The following DNM3 variants were observed in gnomAD, a reference collection of about 807,000 sequenced individuals.
DNM3 encodes dynamin-3.
A neutral mutation model predicts 101.6 loss-of-function variants in DNM3; 47 were observed. That is an observed-to-expected ratio of 0.46 (90% CI 0.37 to 0.59). The LOEUF (loss-of-function observed/expected upper bound fraction) is 0.59, where lower values mean the gene tolerates loss of function less well. Ranked by LOEUF, DNM3 falls within the 20% of genes least tolerant of loss-of-function variation. The probability of loss-of-function intolerance (pLI) is 0.00; values close to 1 mark genes in which losing one functional copy is unlikely to be tolerated. For synonymous variants in DNM3, 385 were observed against 387.9 expected, an observed-to-expected ratio of 0.99 and a Z score of 0.09; for missense variants, 849 against 1,085.7, an observed-to-expected ratio of 0.78 and a Z score of 3.06.
rs1201060636 is a variant in DNM3 at position 172,127,388 on chromosome 1, A to C, written c.1546-3787A>C. ...ATCGCCAATCTCTTACTCTCTACTT[A>C]TTATTATTATTATTATTATTATTAT... On this transcript the variant is annotated intron_variant, in intron 13 of 20. Transcript: ENST00000627582. Among the ~76,000 whole-genome samples, 9 of 76,080 alleles carry C rather than the reference A, an allele frequency of 1.2e-4. No homozygotes were observed. In the South Asian group the frequency reaches 2.3e-3, roughly 20 times the overall value. 49.9% of individuals were successfully genotyped at this position (76,080 alleles called of 152,430 possible). A position where few individuals can be genotyped will look rare whatever the true frequency, so the allele number is the denominator to read the frequency against.
chr1:171,849,680 A>G (rs2032682305), intron 1 of DNM3, among the ~76,000 whole-genome samples: 1 of 152,168 alleles, frequency 6.6e-6, no homozygotes. Flanking sequence ...AAACCAATAT[A>G]TACAAAGTGA....
intron 16 of DNM3, chr1:172,311,065 G>A (rs773051624): frequency 3.9e-5 from 6 of 152,136 alleles, no homozygotes; most frequent in Non-Finnish European, 8.8e-5. Context: ...TTATAGGGCG[G>A]TTGATAGGAT....
intron 1 of DNM3, among the ~76,000 whole-genome samples, chr1:171,900,536 T>C (rs942313410): frequency 6.6e-6 from 1 of 152,020 alleles, no homozygotes; most frequent in South Asian, 2.1e-4. Context: ...TTTCACCACT[T>C]TTAGGAATGA....
At chr1:172,007,056 A>T (rs1047080385) in intron 4 of DNM3, among the ~76,000 whole-genome samples, 1 of 152,094 alleles carries the variant, frequency 6.6e-6, no homozygotes, top group East Asian at 1.9e-4. Context: ...TCTTCCATTT[A>T]TCTGTTAGTG....
chr1:171,872,688 A>G (rs1386884251), intron 1 of DNM3, among the ~76,000 whole-genome samples: 1 of 152,120 alleles, frequency 6.6e-6, no homozygotes, highest in Non-Finnish European at 1.5e-5. Context: ...CTTTTCTCCT[A>G]GTCCCTATCT....
intron 15 of DNM3, among the ~76,000 whole-genome samples, chr1:172,257,197 A>G (rs1315051492): frequency 1.3e-5 from 2 of 152,122 alleles, no homozygotes; most frequent in Non-Finnish European, 2.9e-5. Flanking sequence ...GCAAGTATAT[A>G]TTAGGCAGCT....
At chr1:171,864,094 G>C (rs1394345820) in intron 1 of DNM3, 1 of 152,146 alleles carries the variant, frequency 6.6e-6, no homozygotes, top group Non-Finnish European at 1.5e-5. Context: ...GGTTTTAAAT[G>C]TCTAATATAC....
At chr1:172,107,111 C>T (rs1430533389) in intron 13 of DNM3, among the ~76,000 whole-genome samples, 1 of 151,516 alleles carries the variant, frequency 6.6e-6, no homozygotes, top group East Asian at 1.9e-4. Context: ...CCACCCGCCT[C>T]GGCCTCCCAA....
chr1:171,986,038 C>T (rs1414914427), intron 2 of DNM3, among the ~76,000 whole-genome samples: 1 of 152,126 alleles, frequency 6.6e-6, no homozygotes, highest in Admixed American at 6.5e-5. Flanking sequence ...AGAGCTTTTT[C>T]CAATGAGATC....
At position 171,841,520 on chromosome 1, in the gene DNM3, G is replaced by A. The variant is rs1214987956; in HGVS notation, c.-137G>A. ...GTCAGAGCCAAGCGGCGGGCTGGCGGCGGGCTCCGACGTCTGCGCCAGGAC... is the reference window on the plus strand; with the variant it reads ...GTCAGAGCCAAGCGGCGGGCTGGCGACGGGCTCCGACGTCTGCGCCAGGAC... On this transcript the variant is annotated 5_prime_UTR_variant, in exon 1 of 21. Transcript: ENST00000627582. 4.0e-6 allele frequency: 5 copies of A among 1,238,210 alleles called. No individual in the cohort carries two copies. Among genetic ancestry groups the A allele is most frequent in the Middle Eastern group, 2.8e-4 (1 of 3,584 alleles). The allele number at this position is 1,238,210 out of a possible 1,614,324, so 76.7% of individuals were successfully genotyped here.
At chr1:171,963,404 G>C (rs967230186) in intron 2 of DNM3, among the ~76,000 whole-genome samples, 1 of 152,090 alleles carries the variant, frequency 6.6e-6, no homozygotes, top group Admixed American at 6.6e-5. Context: ...GGATCTCAGA[G>C]GATTTTTAGG....
chr1:172,069,196 C>T (rs969360411), intron 11 of DNM3, among the ~76,000 whole-genome samples: 2 of 152,118 alleles, frequency 1.3e-5, no homozygotes, highest in African/African-American at 4.8e-5. Context: ...ATGGATCATG[C>T]ATACATCCTA....
At chr1:172,003,551 C>A (rs998087493) in intron 4 of DNM3, among the ~76,000 whole-genome samples, 1 of 151,804 alleles carries the variant, frequency 6.6e-6, no homozygotes, top group African/African-American at 2.4e-5. Flanking sequence ...CTGCCCCCTC[C>A]CCTTCCTCTT....
intron 13 of DNM3, among the ~76,000 whole-genome samples, chr1:172,127,127 A>G (rs185319897): frequency 8.9e-4 from 135 of 152,008 alleles, no homozygotes; most frequent in African/African-American, 2.6e-3. Context: ...TTCCAACTTC[A>G]TACTCTCACT....
chr1:171,896,010 G>C (rs1224753023), intron 1 of DNM3, among the ~76,000 whole-genome samples: 1 of 152,042 alleles, frequency 6.6e-6, no homozygotes, highest in African/African-American at 2.4e-5. Context: ...CTCTGTTTTG[G>C]TACCAGTACC....
intron 1 of DNM3, among the ~76,000 whole-genome samples, chr1:171,842,385 G>A (rs558358775): frequency 3.9e-5 from 6 of 152,164 alleles, no homozygotes; most frequent in African/African-American, 9.7e-5. Context: ...GGGGAGGCGG[G>A]GTGCGAGGAG....
At chr1:172,138,936 T>C (rs1191348403) in intron 14 of DNM3, 3 of 472,500 alleles carry the variant, frequency 6.3e-6, no homozygotes, top group Admixed American at 4.7e-5. Context: ...CCTTTGCTCA[T>C]AGACAGATAC....
chr1:172,335,006 G>T (rs1484127467), intron 17 of DNM3, among the ~76,000 whole-genome samples: 1 of 152,124 alleles, frequency 6.6e-6, no homozygotes, highest in Non-Finnish European at 1.5e-5. Flanking sequence ...AATAGACTCA[G>T]TAAGGAACAG....
intron 13 of DNM3, among the ~76,000 whole-genome samples, chr1:172,104,330 A>G (rs1428919734): frequency 6.6e-6 from 1 of 151,722 alleles, no homozygotes; most frequent in African/African-American, 2.4e-5. Context: ...GTGGATTTTT[A>G]TACTTAGCTA....
Sources: allele counts gnomAD v4.1 joint callset (sites outside exome capture counted in the v4.1 genomes callset), GRCh38; gene constraint gnomAD v4.1.1; transcripts MANE v1.5; gene names NCBI Gene and HGNC (gene_info 2026-07-23, HGNC 2026-07-21).